SLC17A1: variants seen among roughly 807,000 people sequenced by gnomAD.
The protein encoded by SLC17A1 is solute carrier family 17 member 1.
A neutral mutation model predicts 53.5 loss-of-function variants in SLC17A1; 51 were observed. The observed-to-expected ratio is 0.95, with a 90% CI of 0.76 to 1.20. SLC17A1 has a LOEUF of 1.20. Ranked by LOEUF, SLC17A1 falls within the 50% of genes most tolerant of loss-of-function variation. SLC17A1 has a pLI of 0.00. For synonymous variants in SLC17A1, 179 were observed against 198.8 expected, an observed-to-expected ratio of 0.90 and a Z score of 0.84; for missense variants, 538 against 568.2, an observed-to-expected ratio of 0.95 and a Z score of 0.54.
At chr6:25,775,449 C>T in the SLC17A1 span, among the ~76,000 whole-genome samples, 2 of 151,686 alleles carry the variant, frequency 1.3e-5, no homozygotes, top group East Asian at 3.9e-4. Flanking sequence ...TTCTTTCTTT[C>T]TTTTGAGACA....
At chr6:25,782,084 A>G (rs1006175419), downstream of SLC17A1, among the ~76,000 whole-genome samples, 2 of 152,228 alleles carry the variant, frequency 1.3e-5, no homozygotes, top group Non-Finnish European at 2.9e-5. Context: ...AGTTAGGAGA[A>G]TTATGAGAGA....
At chr6:25,771,075 T>C in the SLC17A1 span, 3 of 1,328,892 alleles carry the variant, frequency 2.3e-6, no homozygotes, top group South Asian at 2.3e-5. Flanking sequence ...AATTTATCTA[T>C]GGTTAACCAA....
intron 3 of SLC17A1, among the ~76,000 whole-genome samples, chr6:25,821,801 C>T (rs560179143): frequency 6.6e-6 from 1 of 152,226 alleles, no homozygotes; most frequent in South Asian, 2.1e-4. Context: ...GAACAAAGTA[C>T]TCCACATATA....
the SLC17A1 span, among the ~76,000 whole-genome samples, chr6:25,725,481 C>T: frequency 6.6e-6 from 1 of 152,170 alleles, no homozygotes; most frequent in Non-Finnish European, 1.5e-5. Flanking sequence ...AGGAAATTCT[C>T]TAAAATGTAC....
At chr6:25,727,033 A>G in the SLC17A1 span, 1 of 1,614,252 alleles carries the variant, frequency 6.2e-7, no homozygotes. Context: ...TATTCTATTT[A>G]CATCTACAAA....
intron 2 of SLC17A1, among the ~76,000 whole-genome samples, chr6:25,827,474 C>A (rs1301046122): frequency 6.6e-6 from 1 of 152,018 alleles, no homozygotes; most frequent in Non-Finnish European, 1.5e-5. Context: ...AGCTAGATAC[C>A]AGACAGTATA....
chr6:25,777,634 A>G, the SLC17A1 span: 3 of 281,332 alleles, frequency 1.1e-5, no homozygotes, highest in East Asian at 2.0e-4. Context: ...GGTGCAGACC[A>G]TCAATCTGAC....
the SLC17A1 span, chr6:25,754,783 T>C: frequency 2.6e-5 from 4 of 152,306 alleles, no homozygotes; most frequent in East Asian, 7.7e-4. Flanking sequence ...CTCCCTCAGG[T>C]TAGTTAGCTT....
downstream of SLC17A1, among the ~76,000 whole-genome samples, chr6:25,782,126 G>T (rs1763280480): frequency 6.6e-6 from 1 of 152,166 alleles, no homozygotes; most frequent in South Asian, 2.1e-4. Context: ...CTTTTCACCT[G>T]ACAGCCCAAG....
the SLC17A1 span, chr6:25,762,162 T>C: frequency 2.3e-6 from 2 of 852,230 alleles, no homozygotes; most frequent in Non-Finnish European, 3.6e-6. Context: ...TTGATACACA[T>C]CATTTTCCTT....
chr6:25,787,834 GC>G (rs758701056), intron 12 of SLC17A1, among the ~76,000 whole-genome samples: 28 of 152,236 alleles, frequency 1.8e-4, no homozygotes, highest in Non-Finnish European at 3.8e-4. Context: ...CAGTTTTCTA[GC>G]CCTTGCCCTC....
chr6:25,800,161 G>C (rs1385446201), intron 11 of SLC17A1, among the ~76,000 whole-genome samples: 1 of 152,020 alleles, frequency 6.6e-6, no homozygotes, highest in Non-Finnish European at 1.5e-5. Context: ...TGTGAGTACA[G>C]ATTTATGCCA....
chr6:25,739,000 A>G, the SLC17A1 span, among the ~76,000 whole-genome samples: 41,296 of 152,082 alleles, frequency 0.27, 6,816 homozygotes, highest in East Asian at 0.7. Context: ...CAAAACATAT[A>G]CTTACAACAT....
intron 12 of SLC17A1, among the ~76,000 whole-genome samples, chr6:25,796,840 C>A (rs1219175380): frequency 2.6e-5 from 4 of 152,202 alleles, no homozygotes; most frequent in African/African-American, 9.6e-5. Flanking sequence ...GTATTTTCTT[C>A]ATTTCCTTGT....
At chr6:25,777,849 G>A in the SLC17A1 span, 1 of 1,167,102 alleles carries the variant, frequency 8.6e-7, no homozygotes, top group South Asian at 1.3e-5. Flanking sequence ...AGGAATATTT[G>A]CCTCCCTCTC....
intron 3 of SLC17A1, among the ~76,000 whole-genome samples, chr6:25,822,869 A>C (rs1269921165): frequency 6.6e-6 from 1 of 152,072 alleles, no homozygotes; most frequent in East Asian, 1.9e-4. Flanking sequence ...AACTGTATCT[A>C]TATATATATT....
chr6:25,823,084 C>T (rs1421535548), intron 3 of SLC17A1, among the ~76,000 whole-genome samples: 2 of 152,140 alleles, frequency 1.3e-5, no homozygotes, highest in Non-Finnish European at 2.9e-5. Flanking sequence ...GCTTATTTCA[C>T]TTGGCATAAT....
intron 6 of SLC17A1, among the ~76,000 whole-genome samples, chr6:25,814,992 C>CAG (rs1764293176): frequency 3.9e-5 from 1 of 25,530 alleles, no homozygotes; most frequent in Non-Finnish European, 6.5e-5. Context: ...GTCACACAAA[C>CAG]ACACACACAC....
At chr6:25,775,437 TTTTC>T in the SLC17A1 span, among the ~76,000 whole-genome samples, 1 of 152,130 alleles carries the variant, frequency 6.6e-6, no homozygotes, top group African/African-American at 2.4e-5. Context: ...TCTTTTTTCT[TTTTC>T]TTTCTTTCTT....
Sources: allele counts gnomAD v4.1 joint callset (sites outside exome capture counted in the v4.1 genomes callset), GRCh38; gene constraint gnomAD v4.1.1; transcripts MANE v1.5; gene names NCBI Gene and HGNC (gene_info 2026-07-23, HGNC 2026-07-21).